Variants in ST3GAL2 observed in about 807,000 individuals in gnomAD.
ST3GAL2 encodes the protein ST3 beta-galactoside alpha-2,3-sialyltransferase 2.
Under a neutral mutation model 37.5 loss-of-function variants are expected in ST3GAL2, and 16 were observed. The ratio of observed to expected loss-of-function variants is 0.43; its 90% confidence interval spans 0.29 to 0.65. The LOEUF (loss-of-function observed/expected upper bound fraction) is 0.65. Ranked by LOEUF, ST3GAL2 falls within the 30% of genes least tolerant of loss-of-function variation. The probability of loss-of-function intolerance (pLI) is 0.17; values close to 1 mark genes in which losing one functional copy is unlikely to be tolerated. For synonymous variants in ST3GAL2, 238 were observed against 202.9 expected (o/e 1.17, Z -1.47); for missense variants, 383 against 487.8 (o/e 0.79, Z 2.02).
chr16:70,427,382 A>G (rs1204807690), intron 1 of ST3GAL2, among the ~76,000 whole-genome samples: 2 of 138,754 alleles, frequency 1.4e-5, no homozygotes, highest in East Asian at 4.2e-4. Flanking sequence ...TCTGTCGCCC[A>G]GGCTGGAGTG....
chr16:70,413,266 G>A (rs1376900812), intron 1 of ST3GAL2, among the ~76,000 whole-genome samples: 3 of 140,776 alleles, frequency 2.1e-5, no homozygotes, highest in African/African-American at 8.0e-5. Flanking sequence ...AAAAAAAAAA[G>A]TTAGCTGGGC....
At position 70,426,190 on chromosome 16, in the gene ST3GAL2, T is replaced by TG. The variant is rs796947502; in HGVS notation, c.-1004+12758_-1004+12759insC. Among the ~76,000 whole-genome samples, 92 of 141,846 alleles carry TG rather than the reference T, an allele frequency of 6.5e-4. 2 individuals carry two copies. Among genetic ancestry groups the TG allele is most frequent in the East Asian group, 1.9e-3 (9 of 4,796 alleles). The allele number at this position is 141,846 out of a possible 152,430, so 93.1% of individuals were successfully genotyped here. A position where few individuals can be genotyped will look rare whatever the true frequency, so the allele number is the denominator to read the frequency against. ...TTATGGGGGCCAAAGCCTTTTTTTT[T>TG]TTTTTTTTTTTTTTTGTTTTTGAGA... On this transcript the variant is annotated intron_variant, in intron 1 of 6. Coordinates refer to ENST00000342907, the MANE Select transcript of ST3GAL2 (RefSeq NM_006927.4).
intron 1 of ST3GAL2, among the ~76,000 whole-genome samples, chr16:70,409,877 G>A (rs922742431): frequency 4.8e-5 from 7 of 145,160 alleles, no homozygotes; most frequent in Non-Finnish European, 1.0e-4. Flanking sequence ...TGAACTCTCA[G>A]ACTCCTGCCT....
chr16:70,381,710 G>A lies in ST3GAL2; in HGVS notation c.1032C>T (p.Ile344=), dbSNP rs764487488. The change falls in exon 7 of 7, where the codon ATC becomes ATT. Residue 344 remains isoleucine, a synonymous_variant. Transcript: ENST00000342907. ...IIDMLAKASK[I]EVYRGN Reference sequence around the variant, plus strand: ...CGGCTCAGTTGCCCCGGTAGACTTCGATCTTGCTGGCCTTGGCCAGCATGT... The same window carrying A: ...CGGCTCAGTTGCCCCGGTAGACTTCAATCTTGCTGGCCTTGGCCAGCATGT... The A allele has an allele frequency of 3.1e-6, 5 of 1,613,876 alleles. No homozygotes were observed. Among genetic ancestry groups the A allele is most frequent in the African/African-American group, 1.3e-5 (1 of 75,066 alleles).
intron 2 of ST3GAL2, among the ~76,000 whole-genome samples, chr16:70,396,893 A>G (rs2047519853): frequency 6.6e-6 from 1 of 152,136 alleles, no homozygotes; most frequent in Non-Finnish European, 1.5e-5. Context: ...ATGACTGGAA[A>G]GACAGGGAGG....
At chr16:70,413,747 ATAATAAAT>A (rs2047655899) in intron 1 of ST3GAL2, among the ~76,000 whole-genome samples, 1 of 130,326 alleles carries the variant, frequency 7.7e-6, no homozygotes, top group African/African-American at 3.8e-5. Flanking sequence ...AAAAAAGAAA[ATAATAAAT>A]AAATAAATAA....
chr16:70,427,069 G>A (rs932834514), intron 1 of ST3GAL2, among the ~76,000 whole-genome samples: 4 of 152,034 alleles, frequency 2.6e-5, no homozygotes, highest in South Asian at 4.2e-4. Context: ...GGCTGGTCTC[G>A]AACTCCTGGG....
chr16:70,428,155 C>T (rs2047764148), intron 1 of ST3GAL2, among the ~76,000 whole-genome samples: 1 of 152,244 alleles, frequency 6.6e-6, no homozygotes, highest in South Asian at 2.1e-4. Flanking sequence ...GCTTCAAACT[C>T]CTGAGTCAGG....
chr16:70,377,835 AT>A lies in ST3GAL2; in HGVS notation c.*3853del, dbSNP rs1442576560. ...AAAACTCCATCTCAAAAATAAAAAA[AT>A]ATAAGCAACCAGGAGTGAAACACAC... On this transcript the variant is annotated 3_prime_UTR_variant, in exon 7 of 7. Coordinates refer to ENST00000342907, the MANE Select transcript of ST3GAL2 (RefSeq NM_006927.4). 3 of 152,100 alleles carry A rather than the reference AT, an allele frequency of 2.0e-5. No individual in the cohort carries two copies. Among genetic ancestry groups the A allele is most frequent in the Non-Finnish European group, 4.4e-5 (3 of 68,018 alleles). 9.4% of individuals were successfully genotyped at this position (152,100 alleles called of 1,614,324 possible). A position where few individuals can be genotyped will look rare whatever the true frequency, so the allele number is the denominator to read the frequency against.
rs1480938171 is a variant in ST3GAL2 at position 70,380,729 on chromosome 16, C to T, written c.*960G>A. 6.6e-6 allele frequency: 1 copy of T among 152,576 alleles called. No individual in the cohort carries two copies. The highest frequency in any genetic ancestry group is 2.4e-5 in the African/African-American group (1 of 41,482). 9.5% of individuals were successfully genotyped at this position (152,576 alleles called of 1,614,324 possible). On this transcript the variant is annotated 3_prime_UTR_variant, in exon 7 of 7. Transcript: ENST00000342907. ...GAATGAGCCCCAGGCAAAGTTACCC[C>T]CAGGCAAGAGGCGATGGGTGGAGGA...
At chr16:70,383,788 C>T (rs2047423105) in intron 4 of ST3GAL2, among the ~76,000 whole-genome samples, 1 of 151,818 alleles carries the variant, frequency 6.6e-6, no homozygotes, top group African/African-American at 2.4e-5. Context: ...TCTCCCGTGG[C>T]TTGTTCATCA....
At chr16:70,389,998 G>T (rs2047472031) in intron 3 of ST3GAL2, among the ~76,000 whole-genome samples, 1 of 151,630 alleles carries the variant, frequency 6.6e-6, no homozygotes, top group Non-Finnish European at 1.5e-5. Flanking sequence ...GTGTTAGCCA[G>T]GATAGTCTGG....
At position 70,433,388 on chromosome 16, in the gene ST3GAL2, T is replaced by TG. The variant is rs2047804239; in HGVS notation, c.-1004+5560_-1004+5561insC. Among the ~76,000 whole-genome samples, 3 of 152,142 alleles carry TG rather than the reference T, an allele frequency of 2.0e-5. No individual in the cohort carries two copies. In the South Asian group the frequency reaches 6.2e-4, roughly 32 times the overall value. On this transcript the variant is annotated intron_variant, in intron 1 of 6. Transcript: ENST00000342907. Reference sequence around the variant, plus strand: ...ACTAGTCAGACTAAAGCCCCCTGCTTCACCACCTGTCAGTTCAAGTCCTTA... The same window carrying TG: ...ACTAGTCAGACTAAAGCCCCCTGCTTGCACCACCTGTCAGTTCAAGTCCTTA...
At chr16:70,434,087 C>G (rs1242997641) in intron 1 of ST3GAL2, among the ~76,000 whole-genome samples, 1 of 152,160 alleles carries the variant, frequency 6.6e-6, no homozygotes, top group Non-Finnish European at 1.5e-5. Flanking sequence ...CTCCCAGGAA[C>G]AGCAACTTGG....
In ST3GAL2 at chr16:70,420,820, G is replaced by T. The variant is rs137963730; in HGVS notation, c.-1004+18129C>A. Reference sequence around the variant, plus strand: ...GTTTGCATCCATGCTTCTACCAGAAGACTAAAAGGAAGCCATGTCCTCCCA... The same window carrying T: ...GTTTGCATCCATGCTTCTACCAGAATACTAAAAGGAAGCCATGTCCTCCCA... On this transcript the variant is annotated intron_variant, in intron 1 of 6. Coordinates refer to ENST00000342907, the MANE Select transcript of ST3GAL2 (RefSeq NM_006927.4). Among the ~76,000 whole-genome samples the T allele has an allele frequency of 4.2e-3, 633 of 152,334 alleles. 4 individuals are homozygous for T. The highest frequency in any genetic ancestry group is 0.014 in the African/African-American group (601 of 41,568).
Position 70,418,331 on chromosome 16 carries a change from C to G in ST3GAL2, c.-1003-18798G>C, listed in dbSNP as rs139861017. ...TGAGGACTTCCTGCAAGCCCTCCAG[C>G]CTACCACAAAGTCAGGGCTCCTTGG... On this transcript the variant is annotated intron_variant, in intron 1 of 6. Transcript: ENST00000342907. 9.5e-3 allele frequency among the ~76,000 whole-genome samples: 1,450 copies of G among 152,256 alleles called. 10 individuals are homozygous for G. The highest frequency in any genetic ancestry group is 0.017 in the Non-Finnish European group (1,126 of 68,006).
chr16:70,395,401 G>A (rs1287101134), intron 2 of ST3GAL2, among the ~76,000 whole-genome samples: 2 of 152,242 alleles, frequency 1.3e-5, no homozygotes, highest in Non-Finnish European at 2.9e-5. Flanking sequence ...AATGTCCAGA[G>A]ATTGGGTGCC....
intron 1 of ST3GAL2, among the ~76,000 whole-genome samples, chr16:70,436,585 C>G (rs1169621306): frequency 6.6e-6 from 1 of 152,014 alleles, no homozygotes; most frequent in Non-Finnish European, 1.5e-5. Flanking sequence ...AATATAGGCT[C>G]CACCAAGATT....
At chr16:70,403,424 G>A (rs1403608277) in intron 1 of ST3GAL2, among the ~76,000 whole-genome samples, 1 of 152,228 alleles carries the variant, frequency 6.6e-6, no homozygotes, top group East Asian at 1.9e-4. Flanking sequence ...GCTCATGTCT[G>A]TAATCCCAAC....
Sources: gnomAD v4.1 joint callset for allele counts (sites outside exome capture counted in the v4.1 genomes callset) on GRCh38, gnomAD v4.1.1 for gene constraint, MANE v1.5 for transcripts, NCBI Gene and HGNC (gene_info 2026-07-23, HGNC 2026-07-21) for gene names.